Variants in SDHAF4 observed in about 807,000 individuals in gnomAD.
SDHAF4 encodes the protein succinate dehydrogenase complex assembly factor 4.
A neutral mutation model predicts 14.3 loss-of-function variants in SDHAF4; 14 were observed. The ratio of observed to expected loss-of-function variants is 0.98; its 90% CI spans 0.65 to 1.53. The LOEUF (loss-of-function observed/expected upper bound fraction) is 1.53. Among genes scored for constraint, SDHAF4 ranks in the 40% most tolerant of loss-of-function variants. The probability of loss-of-function intolerance (pLI) is 0.00; values close to 1 mark genes in which losing one functional copy is unlikely to be tolerated. For synonymous variants in SDHAF4, 63 were observed against 47.3 expected (o/e 1.33, Z -1.36); for missense variants, 141 against 129.3 (o/e 1.09, Z -0.44).
chr6:70,587,956 C>T (rs574030378), intron 2 of SDHAF4, among the ~76,000 whole-genome samples: 18 of 152,312 alleles, frequency 1.2e-4, no homozygotes, highest in African/African-American at 3.8e-4. Context: ...CCTGGCACCA[C>T]GCTAAACCCT....
intron 2 of SDHAF4, among the ~76,000 whole-genome samples, 182 bp downstream of exon 2, chr6:70,579,748 A>C (rs1802298000): frequency 1.3e-5 from 2 of 152,216 alleles, no homozygotes; most frequent in Non-Finnish European, 2.9e-5. Flanking sequence ...TTAATAAAAA[A>C]GATTTTCAAG....
At chr6:70,582,601 AT>A (rs1378419834) in intron 2 of SDHAF4, among the ~76,000 whole-genome samples, 5 of 151,954 alleles carry the variant, frequency 3.3e-5, no homozygotes, top group Non-Finnish European at 7.4e-5. Flanking sequence ...TTCCTTCGGG[AT>A]TTCCAGTCCA....
intron 1 of SDHAF4, chr6:70,567,658 A>C (rs970575096): frequency 6.6e-6 from 1 of 151,488 alleles, no homozygotes; most frequent in African/African-American, 2.4e-5. Context: ...CAGACTATGC[A>C]AAACATAATT....
chr6:70,579,797 A>G (rs1001563940), intron 2 of SDHAF4, among the ~76,000 whole-genome samples: 8 of 152,228 alleles, frequency 5.3e-5, no homozygotes, highest in Non-Finnish European at 1.0e-4. Context: ...TTTATTTGTT[A>G]TACCTCATTA....
chr6:70,575,279 G>A (rs974278034), intron 1 of SDHAF4, among the ~76,000 whole-genome samples: 4 of 152,106 alleles, frequency 2.6e-5, no homozygotes, highest in Non-Finnish European at 5.9e-5. Context: ...TCGGGAGGCT[G>A]AGGCACAAGA....
intron 2 of SDHAF4, among the ~76,000 whole-genome samples, chr6:70,586,428 CTTTTTTT>C (rs70990316): frequency 5.0e-5 from 4 of 80,306 alleles, no homozygotes; most frequent in Admixed American, 1.3e-4. Context: ...ATTTGTTTGC[CTTTTTTT>C]TTTTTTTTTT....
At chr6:70,573,886 G>T (rs906581307) in intron 1 of SDHAF4, among the ~76,000 whole-genome samples, 1 of 150,708 alleles carries the variant, frequency 6.6e-6, no homozygotes, top group South Asian at 2.1e-4. Context: ...TTATTGGCTA[G>T]GCTGGTCTGG....
intron 2 of SDHAF4, among the ~76,000 whole-genome samples, chr6:70,587,979 C>A (rs865971200): frequency 6.6e-6 from 1 of 152,208 alleles, no homozygotes; most frequent in Non-Finnish European, 1.5e-5. Context: ...ACATGTATTA[C>A]CTTGTTTAAT....
chr6:70,569,329 C>T (rs563149791), intron 1 of SDHAF4, among the ~76,000 whole-genome samples: 227 of 151,818 alleles, frequency 1.5e-3, no homozygotes, highest in African/African-American at 4.9e-3. Context: ...AGTGCAATGG[C>T]GAGATCTCAG....
Position 70,575,748 on chromosome 6 carries a change from T to C in SDHAF4, c.65-3666T>C, listed in dbSNP as rs565961916. Among the ~76,000 whole-genome samples, 20 of 152,132 alleles carry C rather than the reference T, an allele frequency of 1.3e-4. No individual in the cohort carries two copies. The South Asian group carries it at 4.1e-3, about 32-fold the overall frequency. ...GTGTGAGAGAGAGAGAGTCATTCTT[T>C]TGCTTTTATTATTTCTTCTTTTAGA... is the stretch of plus-strand genomic sequence containing the variant. On this transcript the variant is annotated intron_variant, in intron 1 of 2. Coordinates refer to ENST00000370474, the MANE Select transcript of SDHAF4 (RefSeq NM_145267.3).
At position 70,566,930 on chromosome 6, in the gene SDHAF4, G is replaced by A. The variant is rs1483744491; in HGVS notation, c.-11G>A. Reference sequence around the variant, plus strand: ...CTTTGCGCCTGCGCGGAGGCTCGGGGAGTCGGCGCCATGACCCCATCGAGG... The same window carrying A: ...CTTTGCGCCTGCGCGGAGGCTCGGGAAGTCGGCGCCATGACCCCATCGAGG... On this transcript the variant is annotated 5_prime_UTR_variant, in exon 1 of 3. Transcript: ENST00000370474. 3 of 1,575,120 alleles carry A rather than the reference G, an allele frequency of 1.9e-6. No individual in the cohort carries two copies. Among genetic ancestry groups the A allele is most frequent in the Non-Finnish European group, 2.6e-6 (3 of 1,160,230 alleles).
chr6:70,567,691 GTTTA>G (rs942910738), intron 1 of SDHAF4: 4 of 123,670 alleles, frequency 3.2e-5, no homozygotes, highest in East Asian at 4.1e-4. Flanking sequence ...TTATTTATTT[GTTTA>G]TTTATTTTGA....
chr6:70,585,777 GA>G (rs1199619140), intron 2 of SDHAF4, among the ~76,000 whole-genome samples: 2 of 152,168 alleles, frequency 1.3e-5, no homozygotes, highest in Non-Finnish European at 2.9e-5. Flanking sequence ...AAGAATAAAA[GA>G]ATGAATATTT....
At chr6:70,576,294 G>A (rs1320501678) in intron 1 of SDHAF4, among the ~76,000 whole-genome samples, 1 of 152,198 alleles carries the variant, frequency 6.6e-6, no homozygotes, top group African/African-American at 2.4e-5. Flanking sequence ...TTCTGTTTAT[G>A]TTTCCAACGG....
intron 2 of SDHAF4, among the ~76,000 whole-genome samples, chr6:70,583,030 T>A (rs563698914): frequency 1.3e-5 from 2 of 152,348 alleles, no homozygotes; most frequent in Admixed American, 1.3e-4. Context: ...GGACATCATG[T>A]GGTAACTAGC....
chr6:70,574,186 T>G (rs1432177475), intron 1 of SDHAF4, among the ~76,000 whole-genome samples: 2 of 152,002 alleles, frequency 1.3e-5, no homozygotes, highest in Non-Finnish European at 1.5e-5. Flanking sequence ...CTGGGCATGG[T>G]GGCACATGCC....
chr6:70,578,249 T>G (rs920064542), intron 1 of SDHAF4, among the ~76,000 whole-genome samples: 7 of 152,246 alleles, frequency 4.6e-5, no homozygotes, highest in African/African-American at 4.8e-5. Context: ...GTTTTTTAAC[T>G]TTTTAATAAT....
intron 1 of SDHAF4, among the ~76,000 whole-genome samples, chr6:70,570,005 C>T (rs1027951480): frequency 6.6e-6 from 1 of 152,104 alleles, no homozygotes. Flanking sequence ...GACCTTTCCC[C>T]TACTGATATA....
intron 2 of SDHAF4, among the ~76,000 whole-genome samples, chr6:70,583,448 G>T (rs183988001): frequency 2.0e-5 from 3 of 152,138 alleles, no homozygotes; most frequent in Non-Finnish European, 2.9e-5. Context: ...ATAAGGTGTG[G>T]TGAGGAGACA....
Sources: allele counts gnomAD v4.1 joint callset (sites outside exome capture counted in the v4.1 genomes callset), GRCh38; gene constraint gnomAD v4.1.1; transcripts MANE v1.5; gene names NCBI Gene and HGNC (gene_info 2026-07-23, HGNC 2026-07-21).